Variants in AFP observed in about 807,000 individuals in gnomAD.
AFP encodes the protein alpha fetoprotein.
Under a neutral mutation model 78.9 loss-of-function variants are expected in AFP, and 64 were observed. The ratio of observed to expected loss-of-function variants is 0.81; its 90% CI spans 0.66 to 1.00. AFP has a LOEUF of 1.00. Ranked by LOEUF, AFP falls within the 50% of genes least tolerant of loss-of-function variation. The pLI is 0.00. For synonymous variants in AFP, 254 were observed against 243.8 expected (o/e 1.04, Z -0.39); for missense variants, 689 against 703.8 (o/e 0.98, Z 0.24).
intron 11 of AFP, 105 bp from the exon 12 acceptor site, chr4:73,452,296 A>C (rs552416161): frequency 5.6e-5 from 49 of 867,856 alleles, no homozygotes; most frequent in Non-Finnish European, 8.1e-5. Flanking sequence ...ATTAATTATA[A>C]ATTGCTGGGC....
chr4:73,442,263 T>C lies in AFP; in HGVS notation c.483-33T>C, dbSNP rs779525419. 1.9e-6 allele frequency: 3 copies of C among 1,601,562 alleles called. No homozygotes were observed. The South Asian group carries it at 3.3e-5, about 18-fold the overall frequency. On this transcript the variant is annotated intron_variant, in intron 4 of 14. Transcript: ENST00000395792. Reference sequence around the variant, plus strand: ...CAGTAGTAGTCCTATTTTTAGGTGTTTATAAATCTTCTAGCTCTATTTTAT... The same window carrying C: ...CAGTAGTAGTCCTATTTTTAGGTGTCTATAAATCTTCTAGCTCTATTTTAT...
chr4:73,440,000 T>C (rs1417211033), intron 3 of AFP, among the ~76,000 whole-genome samples: 2 of 152,064 alleles, frequency 1.3e-5, no homozygotes, highest in Non-Finnish European at 2.9e-5. Context: ...ATTCCAAAAG[T>C]TACATCTTTA....
chr4:73,451,727 T>A (rs1320914643), intron 11 of AFP, among the ~76,000 whole-genome samples: 1 of 152,210 alleles, frequency 6.6e-6, no homozygotes, highest in African/African-American at 2.4e-5. Flanking sequence ...ATACAAATTA[T>A]ACCACCCTCA....
At chr4:73,441,879 C>A (rs1455299467) in intron 4 of AFP, among the ~76,000 whole-genome samples, 1 of 152,144 alleles carries the variant, frequency 6.6e-6, no homozygotes, top group Non-Finnish European at 1.5e-5. Flanking sequence ...TCTGCTATGG[C>A]GACTATCCAG....
chr4:73,446,461 C>G (rs1461693114), intron 7 of AFP, among the ~76,000 whole-genome samples: 1 of 152,072 alleles, frequency 6.6e-6, no homozygotes, highest in Non-Finnish European at 1.5e-5. Flanking sequence ...TGAGAATGTA[C>G]AGAATTTTCA....
Position 73,447,244 on chromosome 4 carries a change from C to G in AFP, c.844-218C>G, listed in dbSNP as rs573827948. ...AAATTAAACATTCACACATTGTTTG[C>G]ACTGCTAAATAAAATTATGTAATTT... On this transcript the variant is annotated intron_variant, in intron 7 of 14. Transcript: ENST00000395792. Among the ~76,000 whole-genome samples the G allele has an allele frequency of 8.1e-4, 123 of 152,078 alleles. 1 individual carries two copies. The South Asian group carries it at 0.02, about 25-fold the overall frequency.
chr4:73,452,351 T>C, intron 11 of AFP, 50 bp from the exon 12 acceptor site: 1 of 1,506,938 alleles, frequency 6.6e-7, no homozygotes, highest in African/African-American at 1.4e-5. Context: ...GAACCAACTT[T>C]GTGACTAATG....
Position 73,437,212 on chromosome 4 carries a change from G to A in AFP, c.137+1G>A. ...CTGCAGAGATAAGTTTAGCTGACCT[G>A]TAAGTTTTGCTTATATAAATGTACT... is the stretch of plus-strand genomic sequence containing the variant. On this transcript the variant is annotated splice_donor_variant, in intron 2 of 14. Coordinates refer to ENST00000395792, the MANE Select transcript of AFP (RefSeq NM_001134.3). LOFTEE classifies it high-confidence loss of function. The A allele has an allele frequency of 6.2e-7, 1 of 1,607,314 alleles. No homozygotes were observed. Among genetic ancestry groups the A allele is most frequent in the Non-Finnish European group, 8.5e-7 (1 of 1,174,562 alleles).
chr4:73,446,921 G>C (rs1719846113), intron 7 of AFP, among the ~76,000 whole-genome samples: 1 of 152,152 alleles, frequency 6.6e-6, no homozygotes, highest in South Asian at 2.1e-4. Context: ...GGCAAAAGTG[G>C]GGAGAAAGCA....
rs772421585 is a variant in AFP at position 73,450,056 on chromosome 4, C to T, written c.1212C>T (p.Tyr404=). 2 of 1,613,190 alleles carry T rather than the reference C, an allele frequency of 1.2e-6. No individual in the cohort carries two copies. The highest frequency in any genetic ancestry group is 4.5e-5 in the East Asian group (2 of 44,844). ...QDKGEEELQK[Y]IQESQALAKR... Reference sequence around the variant, plus strand: ...TTCAGGAAGAAGAATTACAGAAATACATCCAGGAGAGCCAAGCATTGGCAA... The same window carrying T: ...TTCAGGAAGAAGAATTACAGAAATATATCCAGGAGAGCCAAGCATTGGCAA... The change falls in exon 10 of 15, where the codon TAC becomes TAT. Residue 404 remains tyrosine, a synonymous_variant. Coordinates refer to ENST00000395792, the MANE Select transcript of AFP (RefSeq NM_001134.3).
intron 8 of AFP, among the ~76,000 whole-genome samples, chr4:73,448,089 T>C (rs1163916769): frequency 1.3e-5 from 2 of 152,106 alleles, no homozygotes; most frequent in Non-Finnish European, 2.9e-5. Flanking sequence ...AAAAAACTTT[T>C]CTCCAAAAGA....
intron 7 of AFP, 89 bp from the exon 8 acceptor site, chr4:73,447,373 C>G: frequency 1.1e-6 from 1 of 938,028 alleles, no homozygotes. Context: ...CTCCCTCCCT[C>G]CCCTTTCTTC....
intron 6 of AFP, 80 bp downstream of exon 6, chr4:73,443,524 G>A (rs1219005571): frequency 9.0e-6 from 10 of 1,109,940 alleles, no homozygotes; most frequent in African/African-American, 1.6e-5. Context: ...TTTTTTAATT[G>A]TTGCTGTTTT....
chr4:73,438,233 T>C lies in AFP; in HGVS notation c.197T>C (p.Met66Thr), dbSNP rs1180190526. 6.2e-7 allele frequency: 1 copy of C among 1,613,418 alleles called. No individual in the cohort carries two copies. ...QEATYKEVSK[M>T]VKDALTAIEK... The stretch of plus-strand genomic sequence containing the variant: ...GCCACTTACAAGGAAGTAAGCAAAA[T>C]GGTGAAAGATGCATTGACTGCAATT... The change falls in exon 3 of 15, where the codon ATG (methionine) becomes ACG (threonine). Residue 66 changes from methionine (M) to threonine (T), a missense_variant. Met to Thr is a moderately conservative substitution (Grantham distance 81, BLOSUM62 -1). Transcript: ENST00000395792.
At position 73,450,047 on chromosome 4, in the gene AFP, A is replaced by T; in HGVS notation, c.1203A>T (p.Leu401Phe). 1 of 1,612,658 alleles carries T rather than the reference A, an allele frequency of 6.2e-7. No individual in the cohort carries two copies. Among genetic ancestry groups the T allele is most frequent in the Non-Finnish European group, 8.5e-7 (1 of 1,178,868 alleles). The change falls in exon 10 of 15, where the codon TTA (leucine) becomes TTT (phenylalanine). Residue 401 changes from leucine to phenylalanine, a missense_variant. Leu to Phe is a conservative substitution (Grantham distance 22). Transcript: ENST00000395792. Reference sequence around the variant, plus strand: ...TTCTTCATTTTCAGGAAGAAGAATTACAGAAATACATCCAGGAGAGCCAAG... The same window carrying T: ...TTCTTCATTTTCAGGAAGAAGAATTTCAGAAATACATCCAGGAGAGCCAAG... ...LECQDKGEEE[L>F]QKYIQESQAL...
chr4:73,449,803 C>G (rs1189687009), intron 9 of AFP, among the ~76,000 whole-genome samples: 4 of 152,056 alleles, frequency 2.6e-5, no homozygotes, highest in Non-Finnish European at 4.4e-5. Context: ...GAACTGTAAC[C>G]ATTTATCCAA....
chr4:73,453,418 C>T (rs907773917), intron 12 of AFP: 15 of 269,026 alleles, frequency 5.6e-5, no homozygotes, highest in Non-Finnish European at 8.0e-5. Flanking sequence ...GGGCAGGATT[C>T]GGAGATCTGG....
At chr4:73,436,620 T>TTA (rs1719513082) in intron 1 of AFP, among the ~76,000 whole-genome samples, 1 of 151,500 alleles carries the variant, frequency 6.6e-6, no homozygotes, top group South Asian at 2.1e-4. Context: ...CTTTGAAAAA[T>TTA]TATATATATA....
In AFP at chr4:73,450,760, G is replaced by T. The variant is rs770108168; in HGVS notation, c.1428+7G>T. 7 of 1,613,930 alleles carry T rather than the reference G, an allele frequency of 4.3e-6. No homozygotes were observed. The highest frequency in any genetic ancestry group is 5.9e-6 in the Non-Finnish European group (7 of 1,179,994). ...GGCCTGTGGCGAGGGAGCGGTGAGTGTCTGCTTGGTTTGGTCCCATCTCAT... is the reference window on the plus strand; with the variant it reads ...GGCCTGTGGCGAGGGAGCGGTGAGTTTCTGCTTGGTTTGGTCCCATCTCAT... On this transcript the variant is annotated splice_region_variant and intron_variant, in intron 11 of 14. Transcript: ENST00000395792.
Sources: allele counts gnomAD v4.1 joint callset (sites outside exome capture counted in the v4.1 genomes callset), GRCh38; gene constraint gnomAD v4.1.1; transcripts MANE v1.5; gene names NCBI Gene and HGNC (gene_info 2026-07-23, HGNC 2026-07-21).